RERE: variants seen among roughly 807,000 people sequenced by gnomAD.
RERE encodes the protein arginine-glutamic acid dipeptide repeats protein.
A neutral mutation model predicts 146.1 loss-of-function variants in RERE; 40 were observed. The observed-to-expected ratio is 0.27, with a 90% CI of 0.21 to 0.36. The LOEUF is 0.36. Ranked by LOEUF, RERE falls within the 10% of genes least tolerant of loss-of-function variation. The pLI is 1.00. For missense variants in RERE, 1,933 were observed against 2,138.7 expected (o/e 0.90, Z 1.90); for synonymous variants, 1,003 against 866.0 (o/e 1.16, Z -2.78).
intron 2 of RERE, among the ~76,000 whole-genome samples, chr1:8,654,569 A>T (rs1254943767): frequency 1.3e-5 from 2 of 152,186 alleles, no homozygotes; most frequent in Non-Finnish European, 2.9e-5. Flanking sequence ...CAGTAAAAGT[A>T]ACTCAAACAA....
chr1:8,600,043 C>T (rs965665660), intron 4 of RERE, among the ~76,000 whole-genome samples: 2 of 152,150 alleles, frequency 1.3e-5, no homozygotes, highest in Non-Finnish European at 2.9e-5. Context: ...TGGATCACGG[C>T]GGCGGTTTCC....
At chr1:8,564,489 A>G (rs998537321) in intron 4 of RERE, among the ~76,000 whole-genome samples, 2 of 152,218 alleles carry the variant, frequency 1.3e-5, no homozygotes, top group African/African-American at 4.8e-5. Flanking sequence ...CAGCACTCAA[A>G]AAGTTATGGA....
At chr1:8,654,368 T>C (rs1043298700) in intron 2 of RERE, among the ~76,000 whole-genome samples, 4 of 152,116 alleles carry the variant, frequency 2.6e-5, no homozygotes, top group Non-Finnish European at 4.4e-5. Flanking sequence ...AAAAAACTCC[T>C]GTGTGGGAGA....
Position 8,361,368 on chromosome 1 carries a change from C to T in RERE, c.2139G>A (p.Pro713=), listed in dbSNP as rs201835946. The change falls in exon 18 of 23, where the codon CCG becomes CCA. Residue 713 remains proline (P), a synonymous_variant. Transcript: ENST00000400908. ...CATTGTCCTGGGGGCTGGGGATGCT[C>T]GGGGACGTGCTGCGATTGTCCTGGT... ...DIDQDNRSTS[P]SIPSPQDNES... 4.6e-5 allele frequency: 75 copies of T among 1,613,668 alleles called. No homozygotes were observed. Among genetic ancestry groups the T allele is most frequent in the East Asian group, 1.1e-4 (5 of 44,864 alleles).
intron 4 of RERE, among the ~76,000 whole-genome samples, chr1:8,564,187 T>G (rs1646112022): frequency 6.6e-6 from 1 of 152,188 alleles, no homozygotes; most frequent in South Asian, 2.1e-4. Context: ...GGGTCAAAGA[T>G]CACTATTCTT....
At chr1:8,792,533 C>T (rs1480829738) in intron 1 of RERE, 3 of 152,220 alleles carry the variant, frequency 2.0e-5, no homozygotes, top group East Asian at 3.8e-4. Flanking sequence ...GTGGATCCCA[C>T]GGTGGTTGTG....
intron 4 of RERE, among the ~76,000 whole-genome samples, chr1:8,592,689 C>G (rs757957759): frequency 1.3e-5 from 2 of 152,086 alleles, no homozygotes; most frequent in Non-Finnish European, 2.9e-5. Flanking sequence ...CAAGACTAGC[C>G]TGGGAAACAT....
intron 11 of RERE, among the ~76,000 whole-genome samples, chr1:8,447,961 C>T (rs914831205): frequency 2.0e-5 from 3 of 152,192 alleles, no homozygotes; most frequent in Admixed American, 6.5e-5. Context: ...ACCACTGCTG[C>T]GGCTCTGAAC....
intron 1 of RERE, among the ~76,000 whole-genome samples, chr1:8,725,136 C>CA (rs1352670424): frequency 1.3e-5 from 2 of 152,154 alleles, no homozygotes; most frequent in Admixed American, 1.3e-4. Context: ...TAACAATAAT[C>CA]AAAGGCAATA....
intron 9 of RERE, 110 bp from the exon 10 acceptor site, chr1:8,495,272 C>CA: frequency 2.6e-6 from 2 of 759,306 alleles, no homozygotes; most frequent in South Asian, 3.0e-5. Flanking sequence ...TCCATTACTA[C>CA]ACGCATGATG....
chr1:8,558,099 A>G (rs941042195), intron 4 of RERE, among the ~76,000 whole-genome samples: 4 of 152,230 alleles, frequency 2.6e-5, no homozygotes, highest in South Asian at 2.1e-4. Context: ...GTGGTGATGA[A>G]GGTACTATGA....
chr1:8,388,270 G>A (rs1642752269), intron 12 of RERE, among the ~76,000 whole-genome samples: 1 of 152,004 alleles, frequency 6.6e-6, no homozygotes, highest in Admixed American at 6.5e-5. Context: ...TTATCTTTGC[G>A]TGGAAAGGAC....
chr1:8,492,197 C>CA (rs1553174078), intron 10 of RERE, among the ~76,000 whole-genome samples: 1 of 151,942 alleles, frequency 6.6e-6, no homozygotes, highest in Non-Finnish European at 1.5e-5. Context: ...AATTGTACAA[C>CA]AAAAAAATCT....
chr1:8,815,843 ATGTGTGTG>A (rs780581651), intron 1 of RERE, among the ~76,000 whole-genome samples: 1 of 143,706 alleles, frequency 7.0e-6, no homozygotes, highest in Non-Finnish European at 1.5e-5. Flanking sequence ...GTGTGTGTGT[ATGTGTGTG>A]TGTGTGTGTG....
At chr1:8,402,592 C>T (rs1374657137) in intron 12 of RERE, among the ~76,000 whole-genome samples, 1 of 152,212 alleles carries the variant, frequency 6.6e-6, no homozygotes, top group East Asian at 1.9e-4. Flanking sequence ...CCTACTTGCT[C>T]ACCATGTAGT....
Position 8,654,630 on chromosome 1 carries a change from G to GT in RERE, c.325+1342dup, listed in dbSNP as rs978497523. On this transcript the variant is annotated intron_variant, in intron 2 of 22. Transcript: ENST00000400908. ...CTTCTGTAAGAAAGGATCTTGTTTT[G>GT]TTTTTTTTTGTTTTTTTTTTTGAGA... Among the ~76,000 whole-genome samples, 1,059 of 140,408 alleles carry GT rather than the reference G, an allele frequency of 7.5e-3. 7 individuals carry two copies. Among genetic ancestry groups the GT allele is most frequent in the African/African-American group, 0.023 (898 of 38,818 alleles). 92.1% of individuals were successfully genotyped at this position (140,408 alleles called of 152,430 possible). A position where few individuals can be genotyped will look rare whatever the true frequency, so the allele number is the denominator to read the frequency against.
chr1:8,373,687 T>C (rs754346), intron 12 of RERE, among the ~76,000 whole-genome samples: 67,735 of 152,068 alleles, frequency 0.45, 16,706 homozygotes, highest in East Asian at 0.86. Flanking sequence ...CCAACGCTGC[T>C]GCCGAGTGCA....
intron 8 of RERE, among the ~76,000 whole-genome samples, chr1:8,500,134 CAAT>C (rs1033092738): frequency 4.7e-4 from 72 of 152,230 alleles, no homozygotes; most frequent in African/African-American, 1.6e-3. Flanking sequence ...ATAATAACAA[CAAT>C]AATAATAACA....
At position 8,656,125 on chromosome 1, in the gene RERE, T is replaced by C; in HGVS notation, c.173A>G (p.Asp58Gly). 1 of 1,614,090 alleles carries C rather than the reference T, an allele frequency of 6.2e-7. No individual in the cohort carries two copies. Among genetic ancestry groups the C allele is most frequent in the Non-Finnish European group, 8.5e-7 (1 of 1,179,938 alleles). Residue 58 changes from aspartate (D) to glycine (G), a missense_variant, in exon 2 of 23, where the codon GAC becomes GGC. By Grantham distance (94) the Asp-to-Gly change is moderately conservative. Transcript: ENST00000400908. ...GGCACTATTGTTGTCATTGTCCTCG[T>C]CTTCACTGTGATCACTCTCAGCATA... ...KNYAESDHSE[D>G]EDNDNNSATA...
Sources: allele counts gnomAD v4.1 joint callset (sites outside exome capture counted in the v4.1 genomes callset), GRCh38; gene constraint gnomAD v4.1.1; transcripts MANE v1.5; gene names NCBI Gene and HGNC (gene_info 2026-07-23, HGNC 2026-07-21).